The following PPP1R1C variants were observed in gnomAD, a reference collection of about 807,000 sequenced individuals.
PPP1R1C encodes protein phosphatase 1 regulatory inhibitor subunit 1C, also known as protein phosphatase 1 regulatory subunit 1C.
PPP1R1C carries 15 observed loss-of-function variants against 17.4 expected under a neutral mutation model. That is an observed-to-expected ratio of 0.86 (90% confidence interval 0.58 to 1.33). The LOEUF (loss-of-function observed/expected upper bound fraction) is 1.33. PPP1R1C is among the 40% of genes most tolerant of loss of function. The probability of loss-of-function intolerance (pLI) is 0.00; values close to 1 mark genes in which losing one functional copy is unlikely to be tolerated. For synonymous variants in PPP1R1C, 35 were observed against 43.1 expected (o/e 0.81, Z 0.73); for missense variants, 143 against 130.0 (o/e 1.10, Z -0.48).
rs536850039 is a variant in PPP1R1C, at chr2:182,048,262, CAAAG to C, written c.143-13176_143-13173del. On this transcript the variant is annotated intron_variant, in intron 2 of 4. Transcript: ENST00000682840. ...CCAGTTTTGACTAACTCTAAGAACT[CAAAG>C]AAAAACACAACTGAAACCACTACCT... 4.6e-4 allele frequency among the ~76,000 whole-genome samples: 70 copies of C among 152,154 alleles called. 1 individual carries two copies. The South Asian group carries it at 0.012, about 26-fold the overall frequency.
intron 2 of PPP1R1C, among the ~76,000 whole-genome samples, chr2:182,049,596 T>C (rs903010356): frequency 1.3e-5 from 2 of 152,082 alleles, no homozygotes; most frequent in Admixed American, 6.5e-5. Context: ...CTGAGAGATA[T>C]GCTAAGCATT....
At chr2:182,125,146 A>G (rs1428472636) in intron 5 of PPP1R1C, among the ~76,000 whole-genome samples, 1 of 152,084 alleles carries the variant, frequency 6.6e-6, no homozygotes, top group Non-Finnish European at 1.5e-5. Flanking sequence ...TTCTGCATCT[A>G]TTGAGATAAT....
At chr2:182,075,450 A>G (rs1688269665) in intron 4 of PPP1R1C, among the ~76,000 whole-genome samples, 1 of 152,220 alleles carries the variant, frequency 6.6e-6, no homozygotes, top group African/African-American at 2.4e-5. Flanking sequence ...CTTAAAAGCC[A>G]GTTGGTCCTC....
At chr2:182,046,410 T>G (rs1412673460) in intron 2 of PPP1R1C, among the ~76,000 whole-genome samples, 1 of 151,942 alleles carries the variant, frequency 6.6e-6, no homozygotes, top group Non-Finnish European at 1.5e-5. Flanking sequence ...TGAATGATAA[T>G]CCCCAAATTA....
intron 4 of PPP1R1C, among the ~76,000 whole-genome samples, chr2:182,088,448 G>T (rs1263168424): frequency 1.3e-5 from 2 of 152,142 alleles, no homozygotes; most frequent in Admixed American, 1.3e-4. Flanking sequence ...AACCATTGTT[G>T]GATAAATTTG....
At chr2:181,964,368 T>C (rs1684868571) in intron 1 of PPP1R1C, among the ~76,000 whole-genome samples, 1 of 152,262 alleles carries the variant, frequency 6.6e-6, no homozygotes. Flanking sequence ...ATTGGTTTGT[T>C]GATGGACACT....
At chr2:182,059,611 T>C in intron 2 of PPP1R1C, among the ~76,000 whole-genome samples, 1 of 152,124 alleles carries the variant, frequency 6.6e-6, no homozygotes, top group East Asian at 1.9e-4. Context: ...CCTGAAAAGT[T>C]AGTTATTTAA....
intron 2 of PPP1R1C, among the ~76,000 whole-genome samples, chr2:182,057,468 G>A (rs917012631): frequency 1.1e-4 from 16 of 152,136 alleles, no homozygotes; most frequent in Non-Finnish European, 2.1e-4. Context: ...GGGAATAAAT[G>A]CACAGAAGCA....
chr2:182,102,008 G>A (rs1005368354), intron 4 of PPP1R1C, among the ~76,000 whole-genome samples: 16 of 152,066 alleles, frequency 1.1e-4, no homozygotes, highest in African/African-American at 3.9e-4. Flanking sequence ...ATAAATGAAG[G>A]AATGACAAAA....
chr2:182,002,933 C>A (rs375715890), intron 2 of PPP1R1C, among the ~76,000 whole-genome samples: 2 of 137,422 alleles, frequency 1.5e-5, no homozygotes, highest in East Asian at 2.1e-4. Context: ...ATAAACCTCC[C>A]CCCCCCCACA....
intron 4 of PPP1R1C, among the ~76,000 whole-genome samples, chr2:182,065,408 T>G (rs1191943583): frequency 2.6e-5 from 4 of 152,134 alleles, no homozygotes; most frequent in African/African-American, 2.4e-5. Flanking sequence ...AATGGTAACA[T>G]ATGGCATCTT....
In PPP1R1C at chr2:181,986,089, C is replaced by G. The variant is rs1045206424; in HGVS notation, c.-22C>G. ...TAGTCTTTCTGAGCTCTTCACATCT[C>G]TGACTAATTATCATCATTACCATGG... is the stretch of plus-strand genomic sequence containing the variant. On this transcript the variant is annotated 5_prime_UTR_variant, in exon 1 of 5. Transcript: ENST00000682840. 7.5e-6 allele frequency: 12 copies of G among 1,600,866 alleles called. No individual in the cohort carries two copies. The African/African-American group carries it at 1.6e-4, about 21-fold the overall frequency.
intron 1 of PPP1R1C, among the ~76,000 whole-genome samples, chr2:181,956,929 G>T (rs904212550): frequency 1.3e-5 from 2 of 152,066 alleles, no homozygotes; most frequent in Non-Finnish European, 2.9e-5. Context: ...TGTTTGTTGA[G>T]TCACTCTGTA....
intron 2 of PPP1R1C, among the ~76,000 whole-genome samples, chr2:182,014,717 G>C (rs1000893792): frequency 6.6e-6 from 1 of 151,908 alleles, no homozygotes; most frequent in Non-Finnish European, 1.5e-5. Flanking sequence ...AACCTACTTG[G>C]TGCTCCTTTC....
intron 4 of PPP1R1C, among the ~76,000 whole-genome samples, chr2:182,111,928 G>T (rs537695297): frequency 3.0e-4 from 45 of 152,156 alleles, no homozygotes; most frequent in Middle Eastern, 3.4e-3. Context: ...AAGTTTTTGC[G>T]ATAGGCACCA....
At chr2:182,062,228 T>C (rs2125197085) in intron 3 of PPP1R1C, among the ~76,000 whole-genome samples, 1 of 152,226 alleles carries the variant, frequency 6.6e-6, no homozygotes, top group East Asian at 1.9e-4. Context: ...TCAAATAGTA[T>C]ATCACAAGAC....
At chr2:182,030,459 G>T (rs1011002098) in intron 2 of PPP1R1C, among the ~76,000 whole-genome samples, 2 of 150,864 alleles carry the variant, frequency 1.3e-5, no homozygotes, top group Admixed American at 1.3e-4. Flanking sequence ...CAGGTCTGTT[G>T]GAATACCCTG....
At chr2:182,116,388 C>T (rs1029259419) in intron 4 of PPP1R1C, among the ~76,000 whole-genome samples, 2 of 151,914 alleles carry the variant, frequency 1.3e-5, no homozygotes, top group Non-Finnish European at 2.9e-5. Flanking sequence ...GAAAGTCTAT[C>T]TACATGGGGA....
At chr2:181,960,032 AG>A (rs1358214225) in intron 1 of PPP1R1C, among the ~76,000 whole-genome samples, 1 of 152,182 alleles carries the variant, frequency 6.6e-6, no homozygotes, top group Non-Finnish European at 1.5e-5. Flanking sequence ...TATAACTAAA[AG>A]AGTCTTACAA....
Sources: allele counts gnomAD v4.1 joint callset (sites outside exome capture counted in the v4.1 genomes callset), GRCh38; gene constraint gnomAD v4.1.1; transcripts MANE v1.5; gene names NCBI Gene and HGNC (gene_info 2026-07-23, HGNC 2026-07-21).